The following ABCA1 variants were observed in gnomAD, a reference collection of about 807,000 sequenced individuals.
ABCA1 encodes the protein ATP binding cassette subfamily A member 1.
Under a neutral mutation model 262.5 loss-of-function variants are expected in ABCA1, and 133 were observed. That is an observed-to-expected ratio of 0.51 (90% confidence interval 0.44 to 0.59). The LOEUF (loss-of-function observed/expected upper bound fraction) is 0.59, where lower values mean the gene tolerates loss of function less well. Ranked by LOEUF, ABCA1 falls within the 20% of genes least tolerant of loss-of-function variation. The pLI, the probability that ABCA1 is intolerant of heterozygous loss-of-function variation, is 0.00. For synonymous variants in ABCA1, 1,022 were observed against 1,043.5 expected (o/e 0.98, Z 0.40); for missense variants, 2,452 against 2,777.5 (o/e 0.88, Z 2.63).
intron 28 of ABCA1, among the ~76,000 whole-genome samples, chr9:104,811,846 T>C (rs1056746575): frequency 6.6e-6 from 1 of 152,184 alleles, no homozygotes; most frequent in Admixed American, 6.5e-5. Context: ...TTGCCCAAGG[T>C]CATATAGCCA....
At position 104,883,092 on chromosome 9, in the gene ABCA1, T is replaced by C. The variant is rs1292688118; in HGVS notation, c.368A>G (p.Lys123Arg). The C allele has an allele frequency of 6.2e-7, 1 of 1,614,082 alleles. No individual in the cohort carries two copies. Among genetic ancestry groups the C allele is most frequent in the Non-Finnish European group, 8.5e-7 (1 of 1,180,042 alleles). ...TGTTCTCAGAACTTTGCGCATGTCC[T>C]TCATGCTGGTGTCTTTCTGGCTGTA... ...LLYSQKDTSM[K>R]DMRKVLRTLQ... The change falls in exon 5 of 50, where the codon AAG (lysine) becomes AGG (arginine). Residue 123 changes from lysine (K) to arginine (R), a missense_variant. Physicochemically the swap from Lys to Arg is conservative, Grantham distance 26 (BLOSUM62 2). Around this residue, in one of 4 missense-constraint regions of ABCA1, gnomAD observed 1,032 missense variants for 1,089.7 expected, o/e 0.95. Coordinates refer to ENST00000374736, the MANE Select transcript of ABCA1 (RefSeq NM_005502.4).
At chr9:104,831,516 GA>G in intron 13 of ABCA1, 105 bp downstream of exon 13, 1 of 981,852 alleles carries the variant, frequency 1.0e-6, no homozygotes, top group Non-Finnish European at 1.5e-6. Flanking sequence ...TGTTGTTGTT[GA>G]AATTTCTACC....
At chr9:104,825,044 G>A (rs13291863) in intron 17 of ABCA1, among the ~76,000 whole-genome samples, 5,949 of 152,288 alleles carry the variant, frequency 0.039, 183 homozygotes, top group Non-Finnish European at 0.063. Flanking sequence ...ACTGTCCAAC[G>A]CAGGTTCCTC....
chr9:104,848,616 G>GAA (rs148335343), intron 7 of ABCA1, among the ~76,000 whole-genome samples: 9 of 128,376 alleles, frequency 7.0e-5, no homozygotes, highest in Admixed American at 1.6e-4. Context: ...CTCGGTCTCA[G>GAA]AAAAAAAAAA....
At chr9:104,800,394 T>C (rs1473271941) in intron 35 of ABCA1, 116 bp downstream of exon 35, 1 of 965,552 alleles carries the variant, frequency 1.0e-6, no homozygotes, top group African/African-American at 1.6e-5. Context: ...AAGTTAATAG[T>C]TTGCTCTTTT....
chr9:104,812,313 C>T (rs1000153914), intron 28 of ABCA1, among the ~76,000 whole-genome samples: 3 of 152,176 alleles, frequency 2.0e-5, no homozygotes, highest in South Asian at 2.1e-4. Context: ...ATTCTAAGCA[C>T]CTATTCATTT....
intron 30 of ABCA1, among the ~76,000 whole-genome samples, chr9:104,808,486 T>C (rs1036009388): frequency 1.3e-5 from 2 of 152,262 alleles, no homozygotes; most frequent in African/African-American, 2.4e-5. Flanking sequence ...TCTATCCTTG[T>C]CATCTGGTTA....
Position 104,799,801 on chromosome 9 carries a change from A to C in ABCA1, c.4943+18T>G. 6.2e-7 allele frequency: 1 copy of C among 1,614,132 alleles called. No homozygotes were observed. The highest frequency in any genetic ancestry group is 1.1e-5 in the South Asian group (1 of 91,084). On this transcript the variant is annotated intron_variant, in intron 36 of 49. Coordinates refer to ENST00000374736, the MANE Select transcript of ABCA1 (RefSeq NM_005502.4). ...CTCCCTTGCCCCACTCCATCTATAC[A>C]GACACAGCCACACTTACAGAGCCAC... is the stretch of plus-strand genomic sequence containing the variant.
At chr9:104,824,413 C>G (rs1446170019) in intron 18 of ABCA1, 52 bp downstream of exon 18, 18 of 1,611,624 alleles carry the variant, frequency 1.1e-5, no homozygotes, top group Non-Finnish European at 1.4e-5. Flanking sequence ...CAACAGTTAG[C>G]AGAGGCAGCA....
At chr9:104,820,456 C>T (rs1422328059) in intron 20 of ABCA1, among the ~76,000 whole-genome samples, 1 of 152,110 alleles carries the variant, frequency 6.6e-6, no homozygotes, top group Non-Finnish European at 1.5e-5. Flanking sequence ...CAGGGGACCT[C>T]AGGCTCTGAA....
chr9:104,850,029 TG>T (rs1179798999), intron 7 of ABCA1, among the ~76,000 whole-genome samples: 1 of 152,160 alleles, frequency 6.6e-6, no homozygotes, highest in Non-Finnish European at 1.5e-5. Flanking sequence ...GAAACAGAGG[TG>T]GCATCAGCTG....
intron 5 of ABCA1, among the ~76,000 whole-genome samples, chr9:104,868,900 C>T (rs1030505675): frequency 1.1e-4 from 16 of 151,704 alleles, no homozygotes; most frequent in African/African-American, 2.4e-4. Flanking sequence ...AGGGGTATGA[C>T]GCGGGGTGGG....
chr9:104,802,255 A>T (rs1830404060), intron 33 of ABCA1, 96 bp from the exon 34 acceptor site: 1 of 1,150,166 alleles, frequency 8.7e-7, no homozygotes, highest in Non-Finnish European at 1.3e-6. Flanking sequence ...TCACTGAGTC[A>T]AATTCCTGTT....
chr9:104,921,273 G>C (rs1383246895), intron 1 of ABCA1, among the ~76,000 whole-genome samples: 2 of 152,142 alleles, frequency 1.3e-5, no homozygotes, highest in African/African-American at 4.8e-5. Context: ...TTGGAAGTTG[G>C]ATTTGGCAGA....
chr9:104,788,337 G>A (rs531081265), intron 45 of ABCA1, 89 bp downstream of exon 45: 9 of 1,567,842 alleles, frequency 5.7e-6, no homozygotes, highest in Non-Finnish European at 7.9e-6. Flanking sequence ...AGGAAAAACA[G>A]CCTGAAGTCA....
In ABCA1 at chr9:104,791,993, A is replaced by G. The variant is rs34078184; in HGVS notation, c.5763T>C (p.Tyr1921=). Residue 1921 remains tyrosine, a synonymous_variant, in exon 43 of 50, where the codon TAT becomes TAC. Transcript: ENST00000374736. ...ILEIKELTKI[Y]RRKRKPAVDR... is the part of the protein sequence containing the mutation. ...CAACAGCAGGCTTCCGCTTCCTTCT[A>G]TATATCTGCAACAAACAAAATGTAA... is the stretch of plus-strand genomic sequence containing the variant. The G allele has an allele frequency of 6.5e-3, 10,467 of 1,612,984 alleles. 525 individuals are homozygous for G. In the African/African-American group the frequency reaches 0.11, roughly 18 times the overall value.
chr9:104,908,785 A>G (rs1252167991), intron 1 of ABCA1, among the ~76,000 whole-genome samples: 1 of 152,226 alleles, frequency 6.6e-6, no homozygotes, highest in Non-Finnish European at 1.5e-5. Context: ...GCCAGACACA[A>G]AAAACTACAT....
chr9:104,834,986 T>G lies in ABCA1; in HGVS notation c.1311+1994A>C, dbSNP rs188539549. Among the ~76,000 whole-genome samples the G allele has an allele frequency of 7.9e-5, 12 of 152,230 alleles. No homozygotes were observed. The East Asian group carries it at 2.1e-3, about 27-fold the overall frequency. On this transcript the variant is annotated intron_variant, in intron 11 of 49. Coordinates refer to ENST00000374736, the MANE Select transcript of ABCA1 (RefSeq NM_005502.4). ...AAGAAAGGCCGGGCGCGGTGGCTCATGCCTGTAATCCCAACACTTTGGGAG... is the reference window on the plus strand; with the variant it reads ...AAGAAAGGCCGGGCGCGGTGGCTCAGGCCTGTAATCCCAACACTTTGGGAG...
chr9:104,833,941 A>G (rs1021133782), intron 11 of ABCA1, among the ~76,000 whole-genome samples: 1 of 131,890 alleles, frequency 7.6e-6, no homozygotes, highest in Non-Finnish European at 1.7e-5. Flanking sequence ...CAGCAGCTGC[A>G]AACTCAGCAA....
Sources: gnomAD v4.1 joint callset for allele counts (sites outside exome capture counted in the v4.1 genomes callset) on GRCh38, gnomAD v4.1.1 for gene constraint, gnomAD v4.1.1 regional missense constraint, MANE v1.5 for transcripts, NCBI Gene and HGNC (gene_info 2026-07-23, HGNC 2026-07-21) for gene names.